ATP5ME: variants seen among roughly 807,000 people sequenced by gnomAD.
ATP5ME encodes the protein ATP synthase F(0) complex subunit e, mitochondrial.
Under a neutral mutation model 11.6 loss-of-function variants are expected in ATP5ME, and 10 were observed. The observed-to-expected ratio is 0.86, with a 90% CI of 0.53 to 1.46. The LOEUF is 1.46. ATP5ME is among the 40% of genes most tolerant of loss of function. The pLI is 0.00. For synonymous variants in ATP5ME, 45 were observed against 33.5 expected, an observed-to-expected ratio of 1.34 and a Z score of -1.19; for missense variants, 115 against 85.4, an observed-to-expected ratio of 1.35 and a Z score of -1.37.
chr4:674,037 G>T, intron 1 of ATP5ME, 71 bp from the exon 2 acceptor site: 4 of 1,517,888 alleles, frequency 2.6e-6, no homozygotes, highest in African/African-American at 1.4e-5. Flanking sequence ...AGGAGGGGGG[G>T]CGGGGTCGCT....
Position 673,286 on chromosome 4 carries a change from G to T in ATP5ME, c.190+17C>A. The T allele has an allele frequency of 1.2e-6, 2 of 1,614,150 alleles. No individual in the cohort carries two copies. The highest frequency in any genetic ancestry group is 1.7e-6 in the Non-Finnish European group (2 of 1,179,998). On this transcript the variant is annotated intron_variant, in intron 3 of 3. Transcript: ENST00000304312. Reference sequence around the variant, plus strand: ...AACCTGGGAGGGACAATCTATAAGAGCCAGTGTCACTCGTACCTTCTGCCA... The same window carrying T: ...AACCTGGGAGGGACAATCTATAAGATCCAGTGTCACTCGTACCTTCTGCCA...
intron 3 of ATP5ME, 50 bp from the exon 4 acceptor site, chr4:672,569 T>A: frequency 1.3e-6 from 2 of 1,555,008 alleles, no homozygotes; most frequent in Non-Finnish European, 1.8e-6. Flanking sequence ...TCAGGCAACC[T>A]AAAAAGACCA....
At chr4:673,875 A>C in intron 2 of ATP5ME, 37 bp downstream of exon 2, 1 of 1,544,368 alleles carries the variant, frequency 6.5e-7, no homozygotes, top group East Asian at 2.4e-5. Flanking sequence ...AGGAAAGCCG[A>C]GCAGACCCCG....
At chr4:673,588 C>T (rs1738635698) in intron 2 of ATP5ME, 187 bp from the exon 3 acceptor site, 1 of 1,029,246 alleles carries the variant, frequency 9.7e-7, no homozygotes, top group Non-Finnish European at 1.4e-6. Flanking sequence ...CTACAGGGCC[C>T]CTGCTGCCCA....
chr4:673,938 C>A lies in ATP5ME; in HGVS notation c.65G>T (p.Gly22Val). 1.3e-6 allele frequency: 2 copies of A among 1,546,170 alleles called. No homozygotes were observed. Among genetic ancestry groups the A allele is most frequent in the Non-Finnish European group, 1.7e-6 (2 of 1,146,842 alleles). ...GTAGCGCGTGGCTCCGTAGGCCACA[C>A]CGAGGAACAGGGCGGAGTAGCGGCC... Reference protein sequence around the residue: ...KLGRYSALFLGVAYGATRYNY... With the variant: ...KLGRYSALFLVVAYGATRYNY... Residue 22 changes from glycine (G) to valine (V), a missense_variant, in exon 2 of 4, where the codon GGT becomes GTT. Physicochemically the swap from Gly to Val is moderately radical, Grantham distance 109 (BLOSUM62 -3). Transcript: ENST00000304312.
intron 2 of ATP5ME, 128 bp downstream of exon 2, chr4:673,784 G>A (rs1020340987): frequency 5.4e-6 from 7 of 1,297,466 alleles, no homozygotes; most frequent in African/African-American, 4.4e-5. Context: ...ACGCTCGGTG[G>A]AGGACACGGT....
At chr4:673,751 G>A (rs1033337621) in intron 2 of ATP5ME, 161 bp downstream of exon 2, 11 of 1,101,980 alleles carry the variant, frequency 1.0e-5, no homozygotes, top group Non-Finnish European at 1.3e-5. Flanking sequence ...AGCTTTGGGT[G>A]AGCTGATTCC....
Position 674,266 on chromosome 4 carries a change from A to G in ATP5ME, c.-19T>C. 2.5e-6 allele frequency: 4 copies of G among 1,611,100 alleles called. No individual in the cohort carries two copies. Among genetic ancestry groups the G allele is most frequent in the Non-Finnish European group, 2.5e-6 (3 of 1,179,022 alleles). Reference sequence around the variant, plus strand: ...GCACCATCTTGTCCCTGACCTCCGCACCGGAAGCACAACCTGCAGACGGAG... The same window carrying G: ...GCACCATCTTGTCCCTGACCTCCGCGCCGGAAGCACAACCTGCAGACGGAG... On this transcript the variant is annotated 5_prime_UTR_variant, in exon 1 of 4. Transcript: ENST00000304312.
intron 3 of ATP5ME, 66 bp downstream of exon 3, chr4:673,237 C>T: frequency 1.2e-6 from 2 of 1,611,490 alleles, no homozygotes; most frequent in Non-Finnish European, 1.7e-6. Flanking sequence ...AAATGTCCTC[C>T]TCCATTTTCC....
chr4:674,206 G>T lies in ATP5ME; in HGVS notation c.36+6C>A, dbSNP rs200699070. On this transcript the variant is annotated splice_donor_region_variant and intron_variant, in intron 1 of 3. Transcript: ENST00000304312. Reference sequence around the variant, plus strand: ...CACTGGGCGGCGGCTGCAAAGCCTGGATCACCTTGATGAGCGGAGAGACCT... The same window carrying T: ...CACTGGGCGGCGGCTGCAAAGCCTGTATCACCTTGATGAGCGGAGAGACCT... 1.0e-3 allele frequency: 1,659 copies of T among 1,611,392 alleles called. 1 individual carries two copies. The highest frequency in any genetic ancestry group is 1.3e-3 in the Non-Finnish European group (1,535 of 1,179,202).
intron 2 of ATP5ME, chr4:673,675 ATTT>A (rs1488565598): frequency 2.6e-6 from 2 of 765,374 alleles, no homozygotes; most frequent in Non-Finnish European, 4.2e-6. Context: ...TCGAACAGCC[ATTT>A]AGCACCCGTT....
At chr4:674,133 C>A in intron 1 of ATP5ME, 79 bp downstream of exon 1, 1 of 1,493,126 alleles carries the variant, frequency 6.7e-7, no homozygotes, top group Non-Finnish European at 9.0e-7. Context: ...CCGGGGGTCG[C>A]AGCCCGCGGG....
In ATP5ME at chr4:672,965, C is replaced by G. The variant is rs181298067; in HGVS notation, c.190+338G>C. On this transcript the variant is annotated intron_variant, in intron 3 of 3. Transcript: ENST00000304312. The stretch of plus-strand genomic sequence containing the variant: ...GTTTCACCATCTTGCCCAGGCTGGT[C>G]TCGAACTCCAGAGCTCAGGCAATCT... Among the ~76,000 whole-genome samples the G allele has an allele frequency of 1.0e-3, 152 of 152,338 alleles. 2 individuals carry two copies. Among genetic ancestry groups the G allele is most frequent in the Non-Finnish European group, 1.6e-4 (11 of 68,032 alleles).
At chr4:674,111 T>TGGGGGC (rs1232561623) in intron 1 of ATP5ME, 101 bp downstream of exon 1, 11 of 322,218 alleles carry the variant, frequency 3.4e-5, no homozygotes, top group Admixed American at 6.0e-5. Flanking sequence ...GCGAGGATCA[T>TGGGGGC]GGGGGCGGGG....
Position 674,237 on chromosome 4 carries a change from G to T in ATP5ME, c.11C>A (p.Pro4Gln), listed in dbSNP as rs954129110. 1 of 1,611,840 alleles carries T rather than the reference G, an allele frequency of 6.2e-7. No individual in the cohort carries two copies. Among genetic ancestry groups the T allele is most frequent in the Non-Finnish European group, 8.5e-7 (1 of 1,179,292 alleles). ...CTTGATGAGCGGAGAGACCTGCACC[G>T]GTGGCACCATCTTGTCCCTGACCTC... MVP[P>Q]VQVSPLIKLG... The change falls in exon 1 of 4, where the codon CCG becomes CAG. Residue 4 changes from proline (P) to glutamine (Q), a missense_variant. Coordinates refer to ENST00000304312, the MANE Select transcript of ATP5ME (RefSeq NM_007100.4).
intron 3 of ATP5ME, 90 bp from the exon 4 acceptor site, chr4:672,609 TTTTTTTTG>T: frequency 6.8e-7 from 1 of 1,464,986 alleles, no homozygotes; most frequent in Admixed American, 2.2e-5. Context: ...TTTTTTTTTT[TTTTTTTTG>T]TTTTGAGACG....
rs113061105 is a variant in ATP5ME at position 673,302 on chromosome 4, C to T, written c.190+1G>A. ...TCTATAAGAGCCAGTGTCACTCGTA[C>T]CTTCTGCCAATTCTCTGGCAATCCG... On this transcript the variant is annotated splice_donor_variant, in intron 3 of 3. Transcript: ENST00000304312. LOFTEE classifies it high-confidence loss of function. The T allele has an allele frequency of 3.7e-6, 6 of 1,614,090 alleles. No homozygotes were observed. The highest frequency in any genetic ancestry group is 2.7e-5 in the African/African-American group (2 of 74,954).
At chr4:673,114 C>A (rs534461674) in intron 3 of ATP5ME, among the ~76,000 whole-genome samples, 189 bp downstream of exon 3, 1 of 152,338 alleles carries the variant, frequency 6.6e-6, no homozygotes, top group African/African-American at 2.4e-5. Context: ...GAACTCCTAA[C>A]CTCAGGTGAT....
intron 1 of ATP5ME, 38 bp downstream of exon 1, chr4:674,174 C>G (rs757280141): frequency 1.1e-4 from 183 of 1,604,914 alleles, no homozygotes; most frequent in Non-Finnish European, 1.4e-4. Flanking sequence ...CACGGGGGGG[C>G]CCAGAGCACT....
Sources: gnomAD v4.1 joint callset for allele counts (sites outside exome capture counted in the v4.1 genomes callset) on GRCh38, gnomAD v4.1.1 for gene constraint, MANE v1.5 for transcripts, NCBI Gene and HGNC (gene_info 2026-07-23, HGNC 2026-07-21) for gene names.